Variants in CADPS2 observed in about 807,000 individuals in gnomAD.
CADPS2 encodes the protein calcium-dependent secretion activator 2.
In CADPS2, 93 loss-of-function variants were observed where a neutral mutation model predicts 172.5. The observed-to-expected ratio is 0.54, with a 90% CI of 0.46 to 0.64. CADPS2 has a LOEUF of 0.64. Among genes scored for constraint, CADPS2 ranks in the 30% least tolerant of loss-of-function variants. The pLI, the probability that CADPS2 is intolerant of heterozygous loss-of-function variation, is 0.00. For synonymous variants in CADPS2, 546 were observed against 555.2 expected, an observed-to-expected ratio of 0.98 and a Z score of 0.23; for missense variants, 1,420 against 1,565.9, an observed-to-expected ratio of 0.91 and a Z score of 1.57.
intron 1 of CADPS2, among the ~76,000 whole-genome samples, chr7:122,839,392 C>A (rs555877763): frequency 4.6e-5 from 7 of 152,240 alleles, no homozygotes; most frequent in South Asian, 4.1e-4. Flanking sequence ...GTCTAAAACA[C>A]CAAAAGCAAT....
chr7:122,723,138 A>C (rs2090663025), intron 2 of CADPS2, among the ~76,000 whole-genome samples: 1 of 152,194 alleles, frequency 6.6e-6, no homozygotes, highest in Admixed American at 6.5e-5. Flanking sequence ...TTCATGTCTA[A>C]AACAACAAAA....
chr7:122,784,139 C>G (rs547716680), intron 1 of CADPS2, among the ~76,000 whole-genome samples: 3 of 152,172 alleles, frequency 2.0e-5, no homozygotes, highest in Non-Finnish European at 4.4e-5. Flanking sequence ...TTTTTCCCAC[C>G]ATGACCCACT....
chr7:122,541,763 T>TCA (rs1371447009), intron 8 of CADPS2, among the ~76,000 whole-genome samples: 1 of 145,456 alleles, frequency 6.9e-6, no homozygotes, highest in Admixed American at 7.0e-5. Flanking sequence ...ATTCATATAT[T>TCA]TATATATTCA....
At chr7:122,412,546 C>G (rs1050377981) in intron 19 of CADPS2, among the ~76,000 whole-genome samples, 1 of 152,180 alleles carries the variant, frequency 6.6e-6, no homozygotes, top group Admixed American at 6.5e-5. Flanking sequence ...GTTGAAGCAG[C>G]CCAGCAAATG....
intron 1 of CADPS2, among the ~76,000 whole-genome samples, chr7:122,797,383 GAC>G (rs1264468361): frequency 6.6e-6 from 1 of 152,026 alleles, no homozygotes; most frequent in East Asian, 1.9e-4. Flanking sequence ...TTCTATTAAA[GAC>G]ACACATGCAC....
intron 6 of CADPS2, among the ~76,000 whole-genome samples, chr7:122,581,957 G>A (rs2068886419): frequency 6.6e-6 from 1 of 151,950 alleles, no homozygotes; most frequent in South Asian, 2.1e-4. Context: ...TTAATTAATA[G>A]CATCTTGCCT....
intron 8 of CADPS2, among the ~76,000 whole-genome samples, chr7:122,520,863 T>A (rs1054302219): frequency 6.6e-6 from 1 of 152,148 alleles, no homozygotes; most frequent in Non-Finnish European, 1.5e-5. Flanking sequence ...ATGGTTTTAC[T>A]TTATGATGAA....
At chr7:122,777,140 G>C (rs1021339248) in intron 1 of CADPS2, among the ~76,000 whole-genome samples, 3 of 152,126 alleles carry the variant, frequency 2.0e-5, no homozygotes, top group African/African-American at 7.2e-5. Flanking sequence ...AACAGAGTGA[G>C]ATCCTGTCTA....
intron 1 of CADPS2, among the ~76,000 whole-genome samples, chr7:122,865,542 C>T (rs951458806): frequency 5.9e-5 from 9 of 152,210 alleles, no homozygotes; most frequent in Admixed American, 5.2e-4. Context: ...GAAGTATCAG[C>T]AGTCTCTGGC....
intron 8 of CADPS2, among the ~76,000 whole-genome samples, chr7:122,536,888 T>G (rs374346990): frequency 1.3e-5 from 2 of 152,102 alleles, no homozygotes; most frequent in African/African-American, 4.8e-5. Flanking sequence ...ATGATAGTAA[T>G]GAAATGCCTG....
chr7:122,679,156 C>G (rs1315785715), intron 2 of CADPS2, among the ~76,000 whole-genome samples: 3 of 150,892 alleles, frequency 2.0e-5, no homozygotes, highest in Non-Finnish European at 4.4e-5. Flanking sequence ...CCGGGCAGGA[C>G]AGAGCCATAT....
intron 7 of CADPS2, among the ~76,000 whole-genome samples, chr7:122,569,400 G>A (rs933749090): frequency 6.6e-6 from 1 of 151,882 alleles, no homozygotes; most frequent in Non-Finnish European, 1.5e-5. Context: ...ACAAATGGAA[G>A]ACCATTCCAT....
intron 1 of CADPS2, among the ~76,000 whole-genome samples, chr7:122,793,265 T>A (rs186409999): frequency 3.9e-5 from 6 of 152,288 alleles, no homozygotes; most frequent in East Asian, 1.9e-4. Flanking sequence ...GGAGTCTAAG[T>A]CTCTTGAGAA....
intron 28 of CADPS2, among the ~76,000 whole-genome samples, chr7:122,328,738 G>A (rs905672470): frequency 1.3e-5 from 2 of 152,162 alleles, no homozygotes; most frequent in Non-Finnish European, 2.9e-5. Context: ...AGAAGAAAGG[G>A]AAAGGCTAGG....
At chr7:122,667,539 T>TG (rs1437526179) in intron 2 of CADPS2, among the ~76,000 whole-genome samples, 1 of 152,180 alleles carries the variant, frequency 6.6e-6, no homozygotes, top group Non-Finnish European at 1.5e-5. Context: ...TGCTAAGTGT[T>TG]GGGGGCACAA....
intron 3 of CADPS2, among the ~76,000 whole-genome samples, chr7:122,656,584 T>G (rs2079824981): frequency 6.6e-6 from 1 of 152,078 alleles, no homozygotes; most frequent in Non-Finnish European, 1.5e-5. Flanking sequence ...ACTAAAAGAC[T>G]GAGATTTAAT....
At chr7:122,822,154 T>C (rs1253397701) in intron 1 of CADPS2, among the ~76,000 whole-genome samples, 1 of 150,882 alleles carries the variant, frequency 6.6e-6, no homozygotes, top group Non-Finnish European at 1.5e-5. Flanking sequence ...AGTAAATAAA[T>C]AATCTTTGAG....
chr7:122,690,954 C>G (rs1192963056), intron 2 of CADPS2, among the ~76,000 whole-genome samples: 1 of 152,166 alleles, frequency 6.6e-6, no homozygotes, highest in African/African-American at 2.4e-5. Context: ...GGATACCATT[C>G]CTTATAGTGA....
intron 14 of CADPS2, among the ~76,000 whole-genome samples, chr7:122,469,301 T>A (rs1158900778): frequency 6.6e-6 from 1 of 152,192 alleles, no homozygotes; most frequent in Admixed American, 6.5e-5. Context: ...TGTGGATGAA[T>A]AAAATATTCT....
Sources: gnomAD v4.1 joint callset for allele counts (sites outside exome capture counted in the v4.1 genomes callset) on GRCh38, gnomAD v4.1.1 for gene constraint, MANE v1.5 for transcripts, NCBI Gene and HGNC (gene_info 2026-07-23, HGNC 2026-07-21) for gene names.